RBM39: variants seen among roughly 807,000 people sequenced by gnomAD.
RBM39 encodes the protein RNA-binding protein 39.
A neutral mutation model predicts 79.6 loss-of-function variants in RBM39; 12 were observed. The observed-to-expected ratio is 0.15, with a 90% confidence interval of 0.10 to 0.24. The LOEUF (loss-of-function observed/expected upper bound fraction) is 0.24. Ranked by LOEUF, RBM39 falls within the 10% of genes least tolerant of loss-of-function variation. The pLI, the probability that RBM39 is intolerant of heterozygous loss-of-function variation, is 1.00. For synonymous variants in RBM39, 185 were observed against 208.4 expected (o/e 0.89, Z 0.97); for missense variants, 243 against 653.4 (o/e 0.37, Z 6.85).
intron 11 of RBM39, 35 bp from the exon 12 acceptor site, chr20:35,713,131 TGA>T (rs2036644872): frequency 6.4e-7 from 1 of 1,570,276 alleles, no homozygotes; most frequent in Non-Finnish European, 8.7e-7. Context: ...CCTACTATGT[TGA>T]GAGCAGAGAA....
intron 3 of RBM39, among the ~76,000 whole-genome samples, chr20:35,737,972 G>A (rs141412142): frequency 1.6e-3 from 246 of 150,282 alleles, no homozygotes; most frequent in African/African-American, 5.3e-3. Context: ...TGGCTAACAC[G>A]GTGAAACTCC....
chr20:35,739,871 T>A, intron 2 of RBM39: 1 of 176,102 alleles, frequency 5.7e-6, no homozygotes, highest in South Asian at 1.1e-4. Context: ...ATGTTTATTT[T>A]AAAGTTTGAT....
chr20:35,736,531 G>T (rs969027302), intron 3 of RBM39: 2 of 469,856 alleles, frequency 4.3e-6, no homozygotes, highest in African/African-American at 4.0e-5. Context: ...GTTGTAGTGA[G>T]AAAGACTGAC....
At chr20:35,715,331 C>G (rs1190758668) in intron 10 of RBM39, among the ~76,000 whole-genome samples, 1 of 152,084 alleles carries the variant, frequency 6.6e-6, no homozygotes, top group Non-Finnish European at 1.5e-5. Context: ...CCCGCCACCA[C>G]GCCCGGTTAA....
rs747969505 is a variant in RBM39, at chr20:35,703,214, C to T, written c.*1267G>A. The T allele has an allele frequency of 6.6e-6, 1 of 152,048 alleles. No individual in the cohort carries two copies. The allele number at this position is 152,048 out of a possible 1,614,324, so 9.4% of individuals were successfully genotyped here. On this transcript the variant is annotated 3_prime_UTR_variant, in exon 17 of 17. Coordinates refer to ENST00000253363, the MANE Select transcript of RBM39 (RefSeq NM_184234.3). ...TATGAAAGCTCAAAACCCCTTAATA[C>T]AGTAATATATGCACCTTATTTAATA...
Position 35,705,296 on chromosome 20 carries a change from C to A in RBM39, c.1342G>T (p.Asp448Tyr), listed in dbSNP as rs765607063. The change falls in exon 15 of 17, where the codon GAT (aspartate) becomes TAT (tyrosine). Residue 448 changes from aspartate to tyrosine, a missense_variant. Coordinates refer to ENST00000253363, the MANE Select transcript of RBM39 (RefSeq NM_184234.3). ...TTATTACATTCTTCAATCACATCAT[C>A]CTTAATCTCGGTATCCCATCCAACT... The part of the protein sequence containing the change: ...EEVGWDTEIK[D>Y]DVIEECNKHG... 2 of 1,589,666 alleles carry A rather than the reference C, an allele frequency of 1.3e-6. No homozygotes were observed. The highest frequency in any genetic ancestry group is 2.3e-5 in the South Asian group (2 of 86,566).
At chr20:35,734,139 C>G in intron 3 of RBM39, 2 of 1,141,710 alleles carry the variant, frequency 1.8e-6, no homozygotes, top group Non-Finnish European at 2.3e-6. Flanking sequence ...AACCTGTAAG[C>G]AGGTCATCTT....
intron 6 of RBM39, among the ~76,000 whole-genome samples, chr20:35,725,829 A>G (rs1296132996): frequency 6.6e-6 from 1 of 151,298 alleles, no homozygotes; most frequent in South Asian, 2.1e-4. Context: ...ACACCCAGCT[A>G]ATTTTTGTAT....
chr20:35,732,385 G>A (rs554212984), intron 3 of RBM39: 20 of 474,100 alleles, frequency 4.2e-5, no homozygotes, highest in East Asian at 1.5e-4. Flanking sequence ...GTGAAACCCC[G>A]TCCCTAATAA....
At position 35,717,236 on chromosome 20, in the gene RBM39, C is replaced by T. The variant is rs78772736; in HGVS notation, c.826-431G>A. Reference sequence around the variant, plus strand: ...CAGAGGTTGCAATGACCCCAGAGCACGCCACTGTACTCCAGCCTGGACAAC... The same window carrying T: ...CAGAGGTTGCAATGACCCCAGAGCATGCCACTGTACTCCAGCCTGGACAAC... On this transcript the variant is annotated intron_variant, in intron 9 of 16. Coordinates refer to ENST00000253363, the MANE Select transcript of RBM39 (RefSeq NM_184234.3). Among the ~76,000 whole-genome samples, 951 of 151,248 alleles carry T rather than the reference C, an allele frequency of 6.3e-3. 4 individuals carry two copies. Among genetic ancestry groups the T allele is most frequent in the Non-Finnish European group, 9.9e-3 (674 of 67,838 alleles).
intron 6 of RBM39, 127 bp downstream of exon 6, chr20:35,729,185 C>T: frequency 7.2e-6 from 5 of 689,774 alleles, no homozygotes; most frequent in Non-Finnish European, 9.1e-6. Flanking sequence ...CCTTAAAGTA[C>T]TGGAAGTGCA....
chr20:35,738,592 C>G (rs1735670584), intron 3 of RBM39, among the ~76,000 whole-genome samples: 1 of 152,194 alleles, frequency 6.6e-6, no homozygotes, highest in Admixed American at 6.5e-5. Context: ...TTTCCATGGC[C>G]TAGTTATCAC....
chr20:35,713,076 G>A lies in RBM39; in HGVS notation c.1117C>T (p.Pro373Ser). The change falls in exon 12 of 17, where the codon CCA becomes TCA. Residue 373 changes from proline (P) to serine (S), a missense_variant. By Grantham distance (74) the Pro-to-Ser change is moderately conservative. Coordinates refer to ENST00000253363, the MANE Select transcript of RBM39 (RefSeq NM_184234.3). ...LAEGTGLQIP[P>S]AAQQALQMSG... Reference sequence around the variant, plus strand: ...ATCTGTAGAGCTTGCTGTGCTGCTGGCGGAATCTGCAAACCTGTACCTGTA... The same window carrying A: ...ATCTGTAGAGCTTGCTGTGCTGCTGACGGAATCTGCAAACCTGTACCTGTA... 1 of 1,613,786 alleles carries A rather than the reference G, an allele frequency of 6.2e-7. No homozygotes were observed.
intron 9 of RBM39, among the ~76,000 whole-genome samples, chr20:35,718,105 C>T (rs1258325784): frequency 1.3e-5 from 2 of 151,990 alleles, no homozygotes; most frequent in African/African-American, 4.8e-5. Context: ...GTGATCCACC[C>T]GCCTCGGCCT....
At position 35,705,217 on chromosome 20, in the gene RBM39, G is replaced by A. The variant is rs373971597; in HGVS notation, c.1413+8C>T. The A allele has an allele frequency of 6.0e-6, 9 of 1,490,860 alleles. No individual in the cohort carries two copies. The African/African-American group carries it at 1.1e-4, about 19-fold the overall frequency. 92.4% of individuals were successfully genotyped at this position (1,490,860 alleles called of 1,614,324 possible). A position where few individuals can be genotyped will look rare whatever the true frequency, so the allele number is the denominator to read the frequency against. On this transcript the variant is annotated splice_region_variant and intron_variant, in intron 15 of 16. Coordinates refer to ENST00000253363, the MANE Select transcript of RBM39 (RefSeq NM_184234.3). ...CCTAACATCATTTATAAAAAAAGAT[G>A]AAAATACCTGAGCTGAATTTTTGTC...
chr20:35,712,704 TATAA>T (rs944022429), intron 12 of RBM39, among the ~76,000 whole-genome samples: 4 of 152,112 alleles, frequency 2.6e-5, no homozygotes, highest in Admixed American at 6.6e-5. Context: ...ATTCTAATAT[TATAA>T]ATATTTTTTC....
chr20:35,725,212 ATCTTT>A, intron 6 of RBM39, 57 bp from the exon 7 acceptor site: 1 of 1,223,698 alleles, frequency 8.2e-7, no homozygotes. Context: ...AATAATTTTT[ATCTTT>A]TTTATTTCTT....
At chr20:35,739,729 G>T in intron 2 of RBM39, 1 of 329,408 alleles carries the variant, frequency 3.0e-6, no homozygotes, top group South Asian at 2.5e-5. Context: ...ACAGAAAGTA[G>T]CTCTTCAAGA....
chr20:35,713,092 T>G lies in RBM39; in HGVS notation c.1101A>C (p.Thr367=). ...LQLMARLAEG[T]GLQIPPAAQQ... Reference sequence around the variant, plus strand: ...GTGCTGCTGGCGGAATCTGCAAACCTGTACCTGTAAAAGAATAGTCTTAAA... The same window carrying G: ...GTGCTGCTGGCGGAATCTGCAAACCGGTACCTGTAAAAGAATAGTCTTAAA... Residue 367 remains threonine (T), a synonymous_variant, in exon 12 of 17, where the codon ACA becomes ACC. Coordinates refer to ENST00000253363, the MANE Select transcript of RBM39 (RefSeq NM_184234.3). 6.2e-7 allele frequency: 1 copy of G among 1,612,886 alleles called. No individual in the cohort carries two copies. The highest frequency in any genetic ancestry group is 1.7e-4 in the Middle Eastern group (1 of 6,056).
Sources: gnomAD v4.1 joint callset for allele counts (sites outside exome capture counted in the v4.1 genomes callset) on GRCh38, gnomAD v4.1.1 for gene constraint, MANE v1.5 for transcripts, NCBI Gene and HGNC (gene_info 2026-07-23, HGNC 2026-07-21) for gene names.